Variants in AGR3 observed in about 807,000 individuals in gnomAD.
AGR3 encodes the protein anterior gradient protein 3.
A neutral mutation model predicts 24.5 loss-of-function variants in AGR3; 37 were observed. The ratio of observed to expected loss-of-function variants is 1.51; its 90% confidence interval spans 1.16 to 1.99. The LOEUF (loss-of-function observed/expected upper bound fraction) is 1.99. AGR3 is among the 30% of genes most tolerant of loss of function. The probability of loss-of-function intolerance (pLI) is 0.00; values close to 1 mark genes in which losing one functional copy is unlikely to be tolerated. For missense variants in AGR3, 228 were observed against 191.1 expected, an observed-to-expected ratio of 1.19 and a Z score of -1.14; for synonymous variants, 75 against 61.6, an observed-to-expected ratio of 1.22 and a Z score of -1.02.
At chr7:16,873,556 C>A (rs1464136591) in intron 3 of AGR3, 5 of 501,280 alleles carry the variant, frequency 1.0e-5, no homozygotes, top group Non-Finnish European at 1.8e-5. Flanking sequence ...ATACAGTTAA[C>A]AATAGTTTAT....
chr7:16,858,574 A>T (rs535432703), downstream of AGR3, among the ~76,000 whole-genome samples: 4 of 152,260 alleles, frequency 2.6e-5, no homozygotes, highest in South Asian at 4.1e-4. Context: ...CTACCCAATA[A>T]TTAAGAAGAA....
At chr7:16,869,701 G>A (rs996666577) in intron 3 of AGR3, among the ~76,000 whole-genome samples, 1 of 150,764 alleles carries the variant, frequency 6.6e-6, no homozygotes, top group Non-Finnish European at 1.5e-5. Context: ...TTTTGCAGGG[G>A]GCAGGGGGAA....
chr7:16,870,833 G>C (rs966619579), intron 3 of AGR3, among the ~76,000 whole-genome samples: 1 of 152,138 alleles, frequency 6.6e-6, no homozygotes, highest in Non-Finnish European at 1.5e-5. Flanking sequence ...TTGGAAGTGA[G>C]ATTCTTCTGT....
chr7:16,869,353 A>G (rs1404706273), intron 3 of AGR3, among the ~76,000 whole-genome samples: 9 of 151,970 alleles, frequency 5.9e-5, no homozygotes, highest in African/African-American at 1.9e-4. Flanking sequence ...AAGTATAGCT[A>G]CTTTGTTTTG....
intron 3 of AGR3, among the ~76,000 whole-genome samples, chr7:16,870,272 T>C (rs1350471262): frequency 6.6e-6 from 1 of 152,078 alleles, no homozygotes; most frequent in African/African-American, 2.4e-5. Context: ...CTCATCTAAT[T>C]CAACAGAATT....
rs529920029 is a variant in AGR3 at position 16,872,544 on chromosome 7, C to A, written c.173+1236G>T. Among the ~76,000 whole-genome samples the A allele has an allele frequency of 3.3e-5, 5 of 152,118 alleles. No homozygotes were observed. The East Asian group carries it at 7.7e-4, about 24-fold the overall frequency. On this transcript the variant is annotated intron_variant, in intron 3 of 7. Coordinates refer to ENST00000310398, the MANE Select transcript of AGR3 (RefSeq NM_176813.5). Reference sequence around the variant, plus strand: ...AGGGAAGCCCTTCGGACATTGTTCCCTGCAAAAAAATGTATGGGTAAGATT... The same window carrying A: ...AGGGAAGCCCTTCGGACATTGTTCCATGCAAAAAAATGTATGGGTAAGATT...
In AGR3 at chr7:16,868,856, TA is replaced by T. The variant is rs139355574; in HGVS notation, c.173+4923del. ...TTCCTTCATTTCAATGGCTGAATAGTATTTTATTGTGTACATATACCATATT... is the reference window on the plus strand; with the variant it reads ...TTCCTTCATTTCAATGGCTGAATAGTTTTTATTGTGTACATATACCATATT... On this transcript the variant is annotated intron_variant, in intron 3 of 7. Coordinates refer to ENST00000310398, the MANE Select transcript of AGR3 (RefSeq NM_176813.5). Among the ~76,000 whole-genome samples the T allele has an allele frequency of 3.6e-3, 544 of 152,316 alleles. 3 individuals are homozygous for T. Among genetic ancestry groups the T allele is most frequent in the African/African-American group, 0.013 (531 of 41,576 alleles).
At chr7:16,870,831 G>A (rs1781850954) in intron 3 of AGR3, among the ~76,000 whole-genome samples, 1 of 152,138 alleles carries the variant, frequency 6.6e-6, no homozygotes, top group South Asian at 2.1e-4. Context: ...ATTTGGAAGT[G>A]AGATTCTTCT....
At chr7:16,866,885 G>T (rs1217653268) in intron 3 of AGR3, among the ~76,000 whole-genome samples, 3 of 152,006 alleles carry the variant, frequency 2.0e-5, no homozygotes, top group Non-Finnish European at 4.4e-5. Flanking sequence ...TCCTTTGTAA[G>T]TTTTTGGTTA....
intron 2 of AGR3, 110 bp downstream of exon 2, chr7:16,878,400 C>T: frequency 3.3e-6 from 3 of 904,412 alleles, no homozygotes; most frequent in East Asian, 2.6e-5. Context: ...CAACAAAAAT[C>T]ATTCAGTTAG....
At chr7:16,860,092 C>T (rs1366571879) in intron 7 of AGR3, among the ~76,000 whole-genome samples, 1 of 80,674 alleles carries the variant, frequency 1.2e-5, no homozygotes, top group African/African-American at 5.2e-5. Flanking sequence ...CCTGTCTCTA[C>T]AAAAAAGAAA....
chr7:16,866,144 T>C (rs1218538855), intron 3 of AGR3: 2 of 537,992 alleles, frequency 3.7e-6, no homozygotes, highest in South Asian at 3.0e-5. Context: ...TACTTTCTAA[T>C]GTAGAAGGCT....
At chr7:16,857,075 A>G (rs976346717), downstream of AGR3, among the ~76,000 whole-genome samples, 9 of 151,836 alleles carry the variant, frequency 5.9e-5, no homozygotes, top group African/African-American at 2.2e-4. Flanking sequence ...TTGCAGCCAC[A>G]AACCCTTGGG....
At chr7:16,874,051 T>A (rs1391100537) in intron 2 of AGR3, among the ~76,000 whole-genome samples, 1 of 152,194 alleles carries the variant, frequency 6.6e-6, no homozygotes, top group Admixed American at 6.6e-5. Flanking sequence ...CTACTGCATT[T>A]CAAACCTCGA....
At chr7:16,876,568 C>G (rs1201258462) in intron 2 of AGR3, among the ~76,000 whole-genome samples, 1 of 152,112 alleles carries the variant, frequency 6.6e-6, no homozygotes, top group Admixed American at 6.5e-5. Context: ...ATCCAGACTT[C>G]TCCCACTCAC....
chr7:16,861,000 C>T (rs967358466), intron 6 of AGR3, among the ~76,000 whole-genome samples: 6 of 23,994 alleles, frequency 2.5e-4, no homozygotes, highest in Non-Finnish European at 7.7e-4. Context: ...TAATCTAAAA[C>T]AAATGTCAAA....
Position 16,878,650 on chromosome 7 carries a change from A to G in AGR3, c.-27-5T>C. ...TAGAGACTCTCTCAGAAGAAGCTAGATGACAGAAAGGAATTCTCAGAATCC... is the reference window on the plus strand; with the variant it reads ...TAGAGACTCTCTCAGAAGAAGCTAGGTGACAGAAAGGAATTCTCAGAATCC... On this transcript the variant is annotated splice_region_variant and splice_polypyrimidine_tract_variant and intron_variant, in intron 1 of 7. Coordinates refer to ENST00000310398, the MANE Select transcript of AGR3 (RefSeq NM_176813.5). 1 of 1,574,188 alleles carries G rather than the reference A, an allele frequency of 6.4e-7. No homozygotes were observed. The highest frequency in any genetic ancestry group is 1.1e-5 in the South Asian group (1 of 89,902).
In AGR3 at chr7:16,863,931, C is replaced by A. The variant is rs183330612; in HGVS notation, c.174-1269G>T. On this transcript the variant is annotated intron_variant, in intron 3 of 7. Transcript: ENST00000310398. Reference sequence around the variant, plus strand: ...CTCTTGTATAGTTCATATTTACAGCCCCCCATAAAGTTTTTGCATTCTGAA... The same window carrying A: ...CTCTTGTATAGTTCATATTTACAGCACCCCATAAAGTTTTTGCATTCTGAA... Among the ~76,000 whole-genome samples the A allele has an allele frequency of 3.3e-3, 504 of 151,994 alleles. 2 individuals are homozygous for A. The highest frequency in any genetic ancestry group is 5.3e-3 in the Non-Finnish European group (359 of 67,966).
intron 1 of AGR3, among the ~76,000 whole-genome samples, chr7:16,880,504 CCT>C (rs1782092364): frequency 3.5e-5 from 2 of 57,004 alleles, no homozygotes; most frequent in East Asian, 3.5e-4. Flanking sequence ...CCTCCTTTCC[CCT>C]CCTCTTTCCC....
Sources: allele counts gnomAD v4.1 joint callset (sites outside exome capture counted in the v4.1 genomes callset), GRCh38; gene constraint gnomAD v4.1.1; transcripts MANE v1.5; gene names NCBI Gene and HGNC (gene_info 2026-07-23, HGNC 2026-07-21).